Variants in PPP4R4 observed in about 807,000 individuals in gnomAD.
The protein encoded by PPP4R4 is protein phosphatase 4 regulatory subunit 4.
PPP4R4 carries 70 observed loss-of-function variants against 121.8 expected under a neutral mutation model. That is an observed-to-expected ratio of 0.57 (90% CI 0.47 to 0.70). The LOEUF is 0.70. Ranked by LOEUF, PPP4R4 falls within the 30% of genes least tolerant of loss-of-function variation. PPP4R4 has a pLI of 0.00. For missense variants in PPP4R4, 875 were observed against 1,033.6 expected, an observed-to-expected ratio of 0.85 and a Z score of 2.10; for synonymous variants, 348 against 355.7, an observed-to-expected ratio of 0.98 and a Z score of 0.24.
rs200051349 is a variant in PPP4R4 at position 94,265,914 on chromosome 14, T to C, written c.2378+27T>C. 2.9e-5 allele frequency: 41 copies of C among 1,395,274 alleles called. No homozygotes were observed. In the African/African-American group the frequency reaches 5.6e-4, roughly 19 times the overall value. The allele number at this position is 1,395,274 out of a possible 1,614,324, so 86.4% of individuals were successfully genotyped here. A position where few individuals can be genotyped will look rare whatever the true frequency, so the allele number is the denominator to read the frequency against. ...TACGATCTGTAAGCCCTTCAATTTT[T>C]AACATAATTTTTATCTTTATTCACA... On this transcript the variant is annotated intron_variant, in intron 22 of 24. Coordinates refer to ENST00000304338, the MANE Select transcript of PPP4R4 (RefSeq NM_058237.2).
At chr14:94,200,098 T>A (rs1043216550) in intron 2 of PPP4R4, among the ~76,000 whole-genome samples, 1 of 152,212 alleles carries the variant, frequency 6.6e-6, no homozygotes, top group Admixed American at 6.5e-5. Context: ...AATATTGTTA[T>A]GTTAATGTAA....
chr14:94,228,100 A>AG (rs1654871556), intron 3 of PPP4R4, among the ~76,000 whole-genome samples: 1 of 152,170 alleles, frequency 6.6e-6, no homozygotes, highest in Non-Finnish European at 1.5e-5. Context: ...TTTGTGTATG[A>AG]TACAAAAGTT....
intron 23 of PPP4R4, among the ~76,000 whole-genome samples, chr14:94,273,758 C>G (rs965615878): frequency 1.3e-5 from 2 of 152,086 alleles, no homozygotes; most frequent in African/African-American, 4.8e-5. Context: ...AAACTTAAAA[C>G]TGTTCTAAAA....
chr14:94,183,528 C>A (rs1036163202), intron 2 of PPP4R4, among the ~76,000 whole-genome samples: 1 of 152,190 alleles, frequency 6.6e-6, no homozygotes, highest in Admixed American at 6.5e-5. Flanking sequence ...TGTTTCCCAT[C>A]TCTGTTTCCT....
intron 12 of PPP4R4, 88 bp downstream of exon 12, chr14:94,244,800 T>C: frequency 1.5e-6 from 2 of 1,297,640 alleles, no homozygotes; most frequent in Non-Finnish European, 2.0e-6. Flanking sequence ...CTTGGAATCG[T>C]GTCAACTCTT....
At chr14:94,262,291 C>T (rs1380803202) in intron 19 of PPP4R4, among the ~76,000 whole-genome samples, 4 of 151,870 alleles carry the variant, frequency 2.6e-5, no homozygotes, top group South Asian at 2.1e-4. Flanking sequence ...TCCCTTCCAC[C>T]CCAGTTTACA....
chr14:94,183,804 T>C (rs1366658842), intron 2 of PPP4R4, among the ~76,000 whole-genome samples: 2 of 152,080 alleles, frequency 1.3e-5, no homozygotes, highest in Non-Finnish European at 2.9e-5. Context: ...GCATAGTGTT[T>C]TATTACTTTA....
intron 8 of PPP4R4, among the ~76,000 whole-genome samples, chr14:94,238,432 T>C (rs61436430): frequency 0.019 from 2,914 of 152,348 alleles, 87 homozygotes; most frequent in African/African-American, 0.066. Flanking sequence ...CTAATTGACA[T>C]TAAGACAGAT....
chr14:94,191,754 A>G (rs1889615559), intron 2 of PPP4R4, among the ~76,000 whole-genome samples: 1 of 152,214 alleles, frequency 6.6e-6, no homozygotes, highest in Non-Finnish European at 1.5e-5. Context: ...AATAAAGGAT[A>G]CATAGTGGAC....
intron 3 of PPP4R4, among the ~76,000 whole-genome samples, chr14:94,224,565 G>A (rs535234583): frequency 3.3e-4 from 51 of 152,296 alleles, no homozygotes; most frequent in African/African-American, 1.2e-3. Flanking sequence ...TAAACCAGGT[G>A]GGTAACAGTG....
intron 16 of PPP4R4, among the ~76,000 whole-genome samples, chr14:94,253,202 A>G (rs1893283226): frequency 6.6e-6 from 1 of 152,120 alleles, no homozygotes; most frequent in Non-Finnish European, 1.5e-5. Context: ...TCATGCCTGT[A>G]AATCCCAGCA....
intron 4 of PPP4R4, among the ~76,000 whole-genome samples, 174 bp from the exon 5 acceptor site, chr14:94,231,068 T>C (rs1300101830): frequency 2.0e-5 from 3 of 152,206 alleles, no homozygotes; most frequent in African/African-American, 7.2e-5. Flanking sequence ...TTTAAAAATA[T>C]AAAAATTTTC....
Position 94,204,790 on chromosome 14 carries a change from G to A in PPP4R4, c.192-3674G>A, listed in dbSNP as rs140730950. ...AGCCTACAACTTCTGTACATATTTT[G>A]TTAGTTTTTTGGAGTGATTATAAAT... On this transcript the variant is annotated intron_variant, in intron 2 of 24. Coordinates refer to ENST00000304338, the MANE Select transcript of PPP4R4 (RefSeq NM_058237.2). 3.3e-3 allele frequency among the ~76,000 whole-genome samples: 502 copies of A among 152,074 alleles called. 4 individuals carry two copies. The highest frequency in any genetic ancestry group is 0.012 in the African/African-American group (483 of 41,482).
chr14:94,189,497 AG>A (rs1288904502), intron 2 of PPP4R4, among the ~76,000 whole-genome samples: 1 of 152,228 alleles, frequency 6.6e-6, no homozygotes, highest in Non-Finnish European at 1.5e-5. Context: ...TCAAATGAAC[AG>A]ACAGGAGCCA....
intron 2 of PPP4R4, among the ~76,000 whole-genome samples, chr14:94,201,190 A>G (rs1890160086): frequency 1.3e-5 from 2 of 152,126 alleles, no homozygotes; most frequent in Admixed American, 1.3e-4. Flanking sequence ...CTCAGAGAGT[A>G]CTTAATGTAA....
chr14:94,249,610 T>C (rs551321110), intron 14 of PPP4R4, among the ~76,000 whole-genome samples: 1 of 152,172 alleles, frequency 6.6e-6, no homozygotes, highest in Non-Finnish European at 1.5e-5. Flanking sequence ...AGGTTCTGCC[T>C]AGTGGTGTGA....
chr14:94,260,146 C>T (rs761934227), intron 19 of PPP4R4, among the ~76,000 whole-genome samples: 8 of 152,082 alleles, frequency 5.3e-5, no homozygotes, highest in South Asian at 2.1e-4. Context: ...AAAAAATGGC[C>T]GGGTGTGGTA....
rs200102726 is a variant in PPP4R4, at chr14:94,176,177, C to T, written c.191+50C>T. On this transcript the variant is annotated intron_variant, in intron 2 of 24. Transcript: ENST00000304338. ...TTGCTCTTCTTTTTTCCCTGTGCAG[C>T]AGAGATGAATGCTTTCTAAAATGTA... 2.5e-5 allele frequency: 35 copies of T among 1,418,614 alleles called. 1 individual carries two copies. In the East Asian group the frequency reaches 7.0e-4, roughly 29 times the overall value. 87.9% of individuals were successfully genotyped at this position (1,418,614 alleles called of 1,614,324 possible).
intron 2 of PPP4R4, among the ~76,000 whole-genome samples, chr14:94,191,109 G>T (rs1382374673): frequency 6.6e-6 from 1 of 152,100 alleles, no homozygotes; most frequent in Non-Finnish European, 1.5e-5. Flanking sequence ...AAAAACCAAG[G>T]ATTTATTAAT....
Sources: allele counts gnomAD v4.1 joint callset (sites outside exome capture counted in the v4.1 genomes callset), GRCh38; gene constraint gnomAD v4.1.1; transcripts MANE v1.5; gene names NCBI Gene and HGNC (gene_info 2026-07-23, HGNC 2026-07-21).